Variants in TMEM132D observed in about 807,000 individuals in gnomAD.
The protein encoded by TMEM132D is mature OL transmembrane protein.
Under a neutral mutation model 62.3 loss-of-function variants are expected in TMEM132D, and 21 were observed. That is an observed-to-expected ratio of 0.34 (90% CI 0.24 to 0.49). The LOEUF is 0.49. TMEM132D is among the 20% of genes least tolerant of loss of function. The pLI is 0.99. For missense variants in TMEM132D, 1,346 were observed against 1,402.8 expected (o/e 0.96, Z 0.65); for synonymous variants, 621 against 575.6 (o/e 1.08, Z -1.13).
chr12:129,442,508 C>G (rs1259794608), intron 3 of TMEM132D, among the ~76,000 whole-genome samples: 1 of 152,132 alleles, frequency 6.6e-6, no homozygotes, highest in Non-Finnish European at 1.5e-5. Context: ...AAGGGGGAAG[C>G]TAGGACTCCA....
intron 4 of TMEM132D, among the ~76,000 whole-genome samples, chr12:129,267,388 TAACA>T (rs201454941): frequency 0.013 from 2,004 of 152,096 alleles, 39 homozygotes; most frequent in African/African-American, 0.045. Context: ...CACACACCAA[TAACA>T]AACAAACAGA....
At chr12:129,267,049 A>G (rs1880716390) in intron 4 of TMEM132D, among the ~76,000 whole-genome samples, 1 of 152,002 alleles carries the variant, frequency 6.6e-6, no homozygotes, top group Admixed American at 6.6e-5. Context: ...AAGCCCCACA[A>G]TCAAGCCCCT....
intron 2 of TMEM132D, among the ~76,000 whole-genome samples, chr12:129,593,693 T>A (rs945372317): frequency 6.6e-6 from 1 of 152,208 alleles, no homozygotes; most frequent in Non-Finnish European, 1.5e-5. Flanking sequence ...CTTTACTTGC[T>A]CAATACTCAG....
In TMEM132D at chr12:129,294,661, A is replaced by G. The variant is rs955289375; in HGVS notation, c.1299+42973T>C. 5.3e-5 allele frequency among the ~76,000 whole-genome samples: 8 copies of G among 152,182 alleles called. No homozygotes were observed. The East Asian group carries it at 1.5e-3, about 29-fold the overall frequency. On this transcript the variant is annotated intron_variant, in intron 4 of 8. Coordinates refer to ENST00000422113, the MANE Select transcript of TMEM132D (RefSeq NM_133448.3). ...AGTTCTAACTTGCCTTCCTGTTTTC[A>G]GCTCTATCACACACTGTATATTTCC...
chr12:129,868,010 T>C (rs889165291), intron 1 of TMEM132D, among the ~76,000 whole-genome samples: 3 of 152,196 alleles, frequency 2.0e-5, no homozygotes, highest in Non-Finnish European at 4.4e-5. Flanking sequence ...GGCGTTTCTA[T>C]GGTACATACA....
chr12:129,682,799 C>A (rs563243885), intron 2 of TMEM132D: 2 of 140,916 alleles, frequency 1.4e-5, no homozygotes, highest in Admixed American at 1.6e-4. Flanking sequence ...GTGGAGCTTG[C>A]AGTGAGCCGA....
At chr12:129,836,313 T>TGCAGA (rs1872999955) in intron 1 of TMEM132D, among the ~76,000 whole-genome samples, 1 of 143,386 alleles carries the variant, frequency 7.0e-6, no homozygotes, top group African/African-American at 2.4e-5. Flanking sequence ...CCCTGACCTC[T>TGCAGA]GCAGACATTT....
intron 3 of TMEM132D, among the ~76,000 whole-genome samples, chr12:129,526,752 A>T (rs1876055422): frequency 6.6e-6 from 1 of 152,198 alleles, no homozygotes; most frequent in African/African-American, 2.4e-5. Context: ...AGGTTGCCTA[A>T]AAAGAGTCAA....
At chr12:129,348,687 T>G (rs565130721) in intron 3 of TMEM132D, among the ~76,000 whole-genome samples, 1 of 152,280 alleles carries the variant, frequency 6.6e-6, no homozygotes, top group South Asian at 2.1e-4. Context: ...AACCTGCATG[T>G]TCTGCACATG....
chr12:129,349,470 G>A (rs1869796872), intron 3 of TMEM132D, among the ~76,000 whole-genome samples: 1 of 152,182 alleles, frequency 6.6e-6, no homozygotes, highest in Non-Finnish European at 1.5e-5. Flanking sequence ...AAATAGTTAA[G>A]CATTTGCATG....
intron 2 of TMEM132D, among the ~76,000 whole-genome samples, chr12:129,639,038 C>A (rs1298659739): frequency 1.3e-5 from 2 of 152,132 alleles, no homozygotes; most frequent in Non-Finnish European, 2.9e-5. Context: ...TGGACTTCAA[C>A]AGGACCTGGC....
At chr12:129,476,620 G>A (rs577997061) in intron 3 of TMEM132D, among the ~76,000 whole-genome samples, 1 of 152,254 alleles carries the variant, frequency 6.6e-6, no homozygotes, top group South Asian at 2.1e-4. Flanking sequence ...CATTAAGAAG[G>A]AGGACCCACC....
At chr12:129,583,361 G>T (rs1485157240) in intron 2 of TMEM132D, among the ~76,000 whole-genome samples, 2 of 152,146 alleles carry the variant, frequency 1.3e-5, no homozygotes, top group Non-Finnish European at 2.9e-5. Flanking sequence ...TTTCACTAAG[G>T]AATGACAACA....
intron 3 of TMEM132D, among the ~76,000 whole-genome samples, chr12:129,463,924 G>A (rs540781650): frequency 7.0e-4 from 105 of 149,992 alleles, no homozygotes; most frequent in East Asian, 1.9e-3. Context: ...GAATAGTGCC[G>A]CAATAAACAT....
At chr12:129,585,339 G>C (rs2137130133) in intron 2 of TMEM132D, among the ~76,000 whole-genome samples, 1 of 152,338 alleles carries the variant, frequency 6.6e-6, no homozygotes, top group Admixed American at 6.5e-5. Context: ...GGAAGAGAAA[G>C]AAGGTGGCCA....
intron 5 of TMEM132D, 127 bp from the exon 6 acceptor site, chr12:129,084,829 G>T (rs967521064): frequency 2.5e-6 from 2 of 791,646 alleles, no homozygotes. Context: ...CTTACTATGG[G>T]GGAGGAGGTC....
chr12:129,659,250 T>A (rs1388964064), intron 2 of TMEM132D, among the ~76,000 whole-genome samples: 1 of 152,068 alleles, frequency 6.6e-6, no homozygotes, highest in Admixed American at 6.6e-5. Flanking sequence ...CACAACAAAT[T>A]GTCAAGAAAA....
intron 5 of TMEM132D, among the ~76,000 whole-genome samples, chr12:129,172,463 A>G (rs1288881819): frequency 5.3e-5 from 8 of 152,260 alleles, no homozygotes; most frequent in South Asian, 2.1e-4. Flanking sequence ...CTTTTGGCCT[A>G]TCTTGGCTTT....
chr12:129,380,434 T>G (rs1165815410), intron 3 of TMEM132D, among the ~76,000 whole-genome samples: 1 of 152,172 alleles, frequency 6.6e-6, no homozygotes, highest in African/African-American at 2.4e-5. Flanking sequence ...AAAGACCCGT[T>G]TGCCCTTTGC....
Sources: allele counts gnomAD v4.1 joint callset (sites outside exome capture counted in the v4.1 genomes callset), GRCh38; gene constraint gnomAD v4.1.1; transcripts MANE v1.5; gene names NCBI Gene and HGNC (gene_info 2026-07-23, HGNC 2026-07-21).